The following ZDHHC23 variants were observed in gnomAD, a reference collection of about 807,000 sequenced individuals.
ZDHHC23 encodes palmitoyltransferase ZDHHC23.
Under a neutral mutation model 40.2 loss-of-function variants are expected in ZDHHC23, and 41 were observed. The observed-to-expected ratio is 1.02, with a 90% CI of 0.79 to 1.32. ZDHHC23 has a LOEUF of 1.32. Ranked by LOEUF, ZDHHC23 falls within the 40% of genes most tolerant of loss-of-function variation. The pLI is 0.00. For synonymous variants in ZDHHC23, 204 were observed against 210.2 expected (o/e 0.97, Z 0.26); for missense variants, 471 against 541.5 (o/e 0.87, Z 1.29).
At chr3:113,965,341 G>T (rs112136393), downstream of ZDHHC23, 7 of 1,588,926 alleles carry the variant, frequency 4.4e-6, no homozygotes, top group African/African-American at 1.4e-5. Context: ...ATGTCCGAAG[G>T]GTGATCCAGA....
chr3:113,961,063 G>A lies in ZDHHC23; in HGVS notation c.*2433G>A, dbSNP rs1044996036. 3.8e-6 allele frequency: 1 copy of A among 262,120 alleles called. No individual in the cohort carries two copies. The highest frequency in any genetic ancestry group is 7.1e-6 in the Non-Finnish European group (1 of 140,466). 16.2% of individuals were successfully genotyped at this position (262,120 alleles called of 1,614,324 possible). A position where few individuals can be genotyped will look rare whatever the true frequency, so the allele number is the denominator to read the frequency against. ...TTGGTTCTCTCCAGGGGCCAGATGAGTTTATTGTGGAATCTTTGAAAGGAC... is the reference window on the plus strand; with the variant it reads ...TTGGTTCTCTCCAGGGGCCAGATGAATTTATTGTGGAATCTTTGAAAGGAC... On this transcript the variant is annotated 3_prime_UTR_variant, in exon 5 of 5. Transcript: ENST00000638807.
Position 113,948,962 on chromosome 3 carries a change from C to A in ZDHHC23, c.160C>A (p.Arg54=), listed in dbSNP as rs1286071234. Residue 54 remains arginine (R), a splice_region_variant and synonymous_variant, in exon 2 of 5, where the codon CGA becomes AGA. Coordinates refer to ENST00000638807, the MANE Select transcript of ZDHHC23 (RefSeq NM_001320466.2). ...DCQDLDEGCD[R]WITCKSLQPE... ...TCAAGATCTGGATGAAGGGTGTGAT[C>A]GGTAAGAACAGAGCATTTCTTGACG... The A allele has an allele frequency of 9.3e-6, 15 of 1,613,992 alleles. No individual in the cohort carries two copies. The highest frequency in any genetic ancestry group is 2.7e-5 in the African/African-American group (2 of 74,910).
chr3:113,956,649 A>T (rs1243498885), intron 4 of ZDHHC23, 143 bp downstream of exon 4: 11 of 857,102 alleles, frequency 1.3e-5, no homozygotes, highest in Non-Finnish European at 1.7e-5. Flanking sequence ...TGGAATTGCC[A>T]GCAAAATTGT....
At chr3:113,949,464 A>G (rs1938454012) in intron 2 of ZDHHC23, among the ~76,000 whole-genome samples, 1 of 152,172 alleles carries the variant, frequency 6.6e-6, no homozygotes, top group Non-Finnish European at 1.5e-5. Context: ...GCCAGAAGGC[A>G]TGTATCTCCC....
chr3:113,960,162 A>G lies in ZDHHC23; in HGVS notation c.*1532A>G. 1.0e-6 allele frequency: 1 copy of G among 990,520 alleles called. No homozygotes were observed. Among genetic ancestry groups the G allele is most frequent in the Non-Finnish European group, 1.2e-6 (1 of 832,876 alleles). 61.4% of individuals were successfully genotyped at this position (990,520 alleles called of 1,614,324 possible). A position where few individuals can be genotyped will look rare whatever the true frequency, so the allele number is the denominator to read the frequency against. On this transcript the variant is annotated 3_prime_UTR_variant, in exon 5 of 5. Transcript: ENST00000638807. ...AAGCAAGAGATTTATATTTGTTGAG[A>G]GGAAATATTGCTACTTCCTGCACTT...
rs1577276778 is a variant in ZDHHC23, at chr3:113,960,581, T to C, written c.*1951T>C. On this transcript the variant is annotated 3_prime_UTR_variant, in exon 5 of 5. Transcript: ENST00000638807. Reference sequence around the variant, plus strand: ...ACAAATTGATAGAAACATTAGTCAGTAATTTTAGCTTCTTGCCAAATTGTT... The same window carrying C: ...ACAAATTGATAGAAACATTAGTCAGCAATTTTAGCTTCTTGCCAAATTGTT... 1 of 1,522,984 alleles carries C rather than the reference T, an allele frequency of 6.6e-7. No homozygotes were observed. Among genetic ancestry groups the C allele is most frequent in the East Asian group, 2.5e-5 (1 of 40,348 alleles). 94.3% of individuals were successfully genotyped at this position (1,522,984 alleles called of 1,614,324 possible).
At position 113,948,154 on chromosome 3, in the gene ZDHHC23, C is replaced by T. The variant is rs982136106; in HGVS notation, c.-154C>T. 6.6e-6 allele frequency: 1 copy of T among 152,376 alleles called. No homozygotes were observed. Among genetic ancestry groups the T allele is most frequent in the Non-Finnish European group, 1.5e-5 (1 of 68,224 alleles). 9.4% of individuals were successfully genotyped at this position (152,376 alleles called of 1,614,324 possible). A position where few individuals can be genotyped will look rare whatever the true frequency, so the allele number is the denominator to read the frequency against. ...GGAAGCCGACCCATCTCCCCTCCGC[C>T]TCTTTGGCTGCAGTTGCACCTCCGG... On this transcript the variant is annotated 5_prime_UTR_variant, in exon 1 of 5. Transcript: ENST00000638807.
At chr3:113,954,652 A>G (rs960370598) in intron 3 of ZDHHC23, among the ~76,000 whole-genome samples, 20 of 151,176 alleles carry the variant, frequency 1.3e-4, no homozygotes, top group African/African-American at 4.9e-4. Flanking sequence ...TTTTTTCTCA[A>G]TTTTCTTTTG....
the ZDHHC23 span, chr3:113,978,061 C>T: frequency 9.6e-7 from 1 of 1,038,680 alleles, no homozygotes; most frequent in Non-Finnish European, 1.4e-6. Context: ...ACTCCCACCC[C>T]TGACTGGTGT....
chr3:113,959,643 A>G lies in ZDHHC23; in HGVS notation c.*1013A>G, dbSNP rs1392531039. The G allele has an allele frequency of 6.8e-6, 8 of 1,171,654 alleles. No individual in the cohort carries two copies. Among genetic ancestry groups the G allele is most frequent in the East Asian group, 1.2e-4 (2 of 16,754 alleles). 72.6% of individuals were successfully genotyped at this position (1,171,654 alleles called of 1,614,324 possible). On this transcript the variant is annotated 3_prime_UTR_variant, in exon 5 of 5. Coordinates refer to ENST00000638807, the MANE Select transcript of ZDHHC23 (RefSeq NM_001320466.2). ...CATCACGGGCTCGATTATTTTCTTC[A>G]TGTATTTCAAATGCTGTCAGTTATA... is the stretch of plus-strand genomic sequence containing the variant.
Position 113,958,638 on chromosome 3 carries a change from TC to T in ZDHHC23, c.*9del. 8 of 1,594,720 alleles carry T rather than the reference TC, an allele frequency of 5.0e-6. No homozygotes were observed. The highest frequency in any genetic ancestry group is 6.8e-6 in the Non-Finnish European group (8 of 1,177,618). ...GCCGAGGACATTGTCTGAAGTGCCT[TC>T]TATGTGGCTCTCTGAGGGATGATGG... On this transcript the variant is annotated 3_prime_UTR_variant, in exon 5 of 5. Transcript: ENST00000638807.
At chr3:113,967,393 A>C (rs984455611), downstream of ZDHHC23, among the ~76,000 whole-genome samples, 4 of 151,876 alleles carry the variant, frequency 2.6e-5, no homozygotes, top group African/African-American at 9.7e-5. Context: ...TTCTTTCCCT[A>C]CATTTCTCTT....
chr3:113,976,212 T>TCCTACTACTGCACTCCAG, the ZDHHC23 span, among the ~76,000 whole-genome samples: 2 of 151,554 alleles, frequency 1.3e-5, no homozygotes, highest in Non-Finnish European at 2.9e-5. Flanking sequence ...TGAGCTGAGA[T>TCCTACTACTGCACTCCAG]CCTACTACTG....
downstream of ZDHHC23, chr3:113,963,995 A>T (rs985192549): frequency 1.3e-5 from 2 of 151,994 alleles, no homozygotes; most frequent in African/African-American, 4.8e-5. Context: ...GTGTGGGAAC[A>T]GCCATGTCGT....
At chr3:113,977,289 G>C in the ZDHHC23 span, among the ~76,000 whole-genome samples, 1 of 151,912 alleles carries the variant, frequency 6.6e-6, no homozygotes, top group Non-Finnish European at 1.5e-5. Flanking sequence ...GTTGAGAAAA[G>C]GGGCATTTTT....
the ZDHHC23 span, chr3:113,978,100 C>G: frequency 2.0e-6 from 3 of 1,468,034 alleles, no homozygotes; most frequent in South Asian, 2.4e-5. Flanking sequence ...TCCAGCTCAT[C>G]TCTGCAGACA....
At position 113,948,183 on chromosome 3, in the gene ZDHHC23, G is replaced by GA. The variant is rs1938265674; in HGVS notation, c.-124dup. ...TTGGCTGCAGTTGCACCTCCGGCCAGAGGGCAGGTAACTTCCCTTCCAAGG... is the reference window on the plus strand; with the variant it reads ...TTGGCTGCAGTTGCACCTCCGGCCAGAAGGGCAGGTAACTTCCCTTCCAAGG... On this transcript the variant is annotated 5_prime_UTR_variant, in exon 1 of 5. Transcript: ENST00000638807. The GA allele has an allele frequency of 6.6e-6, 1 of 152,370 alleles. No homozygotes were observed. Among genetic ancestry groups the GA allele is most frequent in the African/African-American group, 2.4e-5 (1 of 41,446 alleles). The allele number at this position is 152,370 out of a possible 1,614,324, so 9.4% of individuals were successfully genotyped here. A position where few individuals can be genotyped will look rare whatever the true frequency, so the allele number is the denominator to read the frequency against.
downstream of ZDHHC23, among the ~76,000 whole-genome samples, chr3:113,966,582 A>T (rs929822975): frequency 1.3e-5 from 2 of 152,152 alleles, no homozygotes; most frequent in African/African-American, 2.4e-5. Context: ...AAAGGCAACG[A>T]AGCGAGAATA....
At chr3:113,970,577 T>C in the ZDHHC23 span, among the ~76,000 whole-genome samples, 2 of 152,180 alleles carry the variant, frequency 1.3e-5, no homozygotes, top group Admixed American at 1.3e-4. Context: ...GATTTTTCTT[T>C]TTTATTATAC....
Sources: allele counts gnomAD v4.1 joint callset (sites outside exome capture counted in the v4.1 genomes callset), GRCh38; gene constraint gnomAD v4.1.1; transcripts MANE v1.5; gene names NCBI Gene and HGNC (gene_info 2026-07-23, HGNC 2026-07-21).